The following MICALL2 variants were observed in gnomAD, a reference collection of about 807,000 sequenced individuals.
The protein encoded by MICALL2 is MICAL like 2, also known as MICAL-like protein 2.
A neutral mutation model predicts 91.1 loss-of-function variants in MICALL2; 111 were observed. The observed-to-expected ratio is 1.22, with a 90% CI of 1.04 to 1.43. MICALL2 has a LOEUF of 1.43. Ranked by LOEUF, MICALL2 falls within the 40% of genes most tolerant of loss-of-function variation. The pLI, the probability that MICALL2 is intolerant of heterozygous loss-of-function variation, is 0.00. For missense variants in MICALL2, 1,556 were observed against 1,236.0 expected, an observed-to-expected ratio of 1.26 and a Z score of -3.88; for synonymous variants, 694 against 525.3, an observed-to-expected ratio of 1.32 and a Z score of -4.39.
At chr7:1,443,224 G>T (rs1241461509) in intron 6 of MICALL2, among the ~76,000 whole-genome samples, 13 of 145,750 alleles carry the variant, frequency 8.9e-5, no homozygotes, top group African/African-American at 3.3e-4. Context: ...AGCACTCCCT[G>T]GAGCACCCCC....
At chr7:1,446,184 G>A (rs1257682742) in intron 5 of MICALL2, among the ~76,000 whole-genome samples, 1 of 73,230 alleles carries the variant, frequency 1.4e-5, no homozygotes, top group Non-Finnish European at 2.7e-5. Context: ...AGGGAGAGAA[G>A]AGTGAAGAGG....
At chr7:1,456,580 T>C (rs1046925203) in intron 1 of MICALL2, among the ~76,000 whole-genome samples, 41 of 148,484 alleles carry the variant, frequency 2.8e-4, no homozygotes, top group Non-Finnish European at 4.7e-4. Context: ...AGCTAGACTC[T>C]GTCTCAAATA....
At position 1,440,638 on chromosome 7, in the gene MICALL2, T is replaced by C. The variant is rs886958133; in HGVS notation, c.1758A>G (p.Gly586=). 5.0e-6 allele frequency: 8 copies of C among 1,612,460 alleles called. No homozygotes were observed. The highest frequency in any genetic ancestry group is 6.8e-6 in the Non-Finnish European group (8 of 1,179,922). Reference sequence around the variant, plus strand: ...CCACGGGCTTCAGATTCGCTCTCCATCCTGCCGGCCCGTCCTCCTGGCCTT... The same window carrying C: ...CCACGGGCTTCAGATTCGCTCTCCACCCTGCCGGCCCGTCCTCCTGGCCTT... ...LQEGQEDGPA[G]WRANLKPVDR... The change falls in exon 8 of 17, where the codon GGA becomes GGG. Residue 586 remains glycine (G), a synonymous_variant. Coordinates refer to ENST00000297508, the MANE Select transcript of MICALL2 (RefSeq NM_182924.4).
chr7:1,446,890 G>T (rs1780621997), intron 4 of MICALL2, 62 bp from the exon 5 acceptor site: 3 of 1,201,280 alleles, frequency 2.5e-6, no homozygotes, highest in Non-Finnish European at 2.3e-6. Context: ...CCTGGTGGCA[G>T]CCCACAGGTG....
At chr7:1,457,502 G>A (rs1225724754) in intron 1 of MICALL2, among the ~76,000 whole-genome samples, 1 of 152,206 alleles carries the variant, frequency 6.6e-6, no homozygotes, top group East Asian at 1.9e-4. Flanking sequence ...CCGGAACATT[G>A]CTCCCTGCAT....
Position 1,445,047 on chromosome 7 carries a change from G to A in MICALL2, c.1023C>T (p.Thr341=), listed in dbSNP as rs185321945. The A allele has an allele frequency of 5.1e-5, 79 of 1,542,416 alleles. No individual in the cohort carries two copies. Among genetic ancestry groups the A allele is most frequent in the Admixed American group, 3.8e-4 (19 of 50,432 alleles). Residue 341 remains threonine, a synonymous_variant, in exon 6 of 17, where the codon ACC becomes ACT. Coordinates refer to ENST00000297508, the MANE Select transcript of MICALL2 (RefSeq NM_182924.4). ...PTEGKVRPRV[T]NSSPMGWSSA... is the part of the protein sequence containing the mutation. Reference sequence around the variant, plus strand: ...ACGACCAGCCCATCGGGGAGCTATTGGTCACACGAGGGCGGACTTTCCCCT... The same window carrying A: ...ACGACCAGCCCATCGGGGAGCTATTAGTCACACGAGGGCGGACTTTCCCCT...
chr7:1,436,903 C>G (rs1218740943), intron 14 of MICALL2, 47 bp from the exon 15 acceptor site: 5 of 1,391,228 alleles, frequency 3.6e-6, no homozygotes, highest in Non-Finnish European at 4.8e-6. Flanking sequence ...CACTGCCATG[C>G]CCCTCACAGG....
In MICALL2 at chr7:1,437,492, C is replaced by T. The variant is rs1009895146; in HGVS notation, c.2476+43G>A. 3.4e-6 allele frequency: 5 copies of T among 1,488,596 alleles called. No homozygotes were observed. In the African/African-American group the frequency reaches 7.2e-5, roughly 22 times the overall value. 92.2% of individuals were successfully genotyped at this position (1,488,596 alleles called of 1,614,324 possible). A position where few individuals can be genotyped will look rare whatever the true frequency, so the allele number is the denominator to read the frequency against. ...CCCCCAGACATCCTGGGCTCCGCGG[C>T]ATCCCTGGCTGGGGCCCCTTGGCTG... is the stretch of plus-strand genomic sequence containing the variant. On this transcript the variant is annotated intron_variant, in intron 14 of 16. Transcript: ENST00000297508.
rs369303719 is a variant in MICALL2, at chr7:1,442,575, A to G, written c.1419-91T>C. ...CCGCCCCTCTGCCTCCCTGCAGCTC[A>G]CTCCCAATGCCCAGCCTCCGGACGG... On this transcript the variant is annotated intron_variant, in intron 6 of 16. Transcript: ENST00000297508. 605 of 1,260,442 alleles carry G rather than the reference A, an allele frequency of 4.8e-4. 1 individual carries two copies. Among genetic ancestry groups the G allele is most frequent in the African/African-American group, 2.8e-3 (178 of 63,718 alleles). The allele number at this position is 1,260,442 out of a possible 1,614,324, so 78.1% of individuals were successfully genotyped here.
At chr7:1,441,994 G>C (rs1780302925) in intron 7 of MICALL2, 198 bp downstream of exon 7, 2 of 663,174 alleles carry the variant, frequency 3.0e-6, no homozygotes, top group African/African-American at 1.8e-5. Flanking sequence ...ATAGCCCTGA[G>C]GACATTTGCA....
At position 1,447,613 on chromosome 7, in the gene MICALL2, T is replaced by C. The variant is rs531616914; in HGVS notation, c.487A>G (p.Arg163Gly). 9 of 1,596,252 alleles carry C rather than the reference T, an allele frequency of 5.6e-6. No homozygotes were observed. The South Asian group carries it at 9.1e-5, about 16-fold the overall frequency. ...SPAQTNPVVQ[R>G]RNEGAGGPPP... ...GGGCCCCCTGCACCCTCATTCCTCC[T>C]CTGGACCACAGGGTTTGTCTGGGCT... The change falls in exon 4 of 17, where the codon AGG becomes GGG. Residue 163 changes from arginine to glycine, a missense_variant. By Grantham distance (125) the Arg-to-Gly change is moderately radical (BLOSUM62 -2). Coordinates refer to ENST00000297508, the MANE Select transcript of MICALL2 (RefSeq NM_182924.4).
intron 9 of MICALL2, chr7:1,439,492 AC>A (rs1780162377): frequency 1.0e-5 from 2 of 195,366 alleles, no homozygotes; most frequent in African/African-American, 4.8e-5. Flanking sequence ...CACATGCATC[AC>A]GTGTGGGCAC....
intron 15 of MICALL2, among the ~76,000 whole-genome samples, chr7:1,436,087 C>CA (rs900627294): frequency 7.3e-5 from 11 of 149,878 alleles, no homozygotes; most frequent in Admixed American, 4.7e-4. Flanking sequence ...ACAAAACAAA[C>CA]AAAAAAAACT....
chr7:1,457,191 C>T (rs1319772539), intron 1 of MICALL2, among the ~76,000 whole-genome samples: 1 of 152,336 alleles, frequency 6.6e-6, no homozygotes, highest in Admixed American at 6.5e-5. Context: ...CCTACCATAT[C>T]TACTGAACCC....
intron 16 of MICALL2, 46 bp from the exon 17 acceptor site, chr7:1,434,718 C>T (rs961846998): frequency 2.0e-6 from 3 of 1,507,212 alleles, no homozygotes; most frequent in Admixed American, 4.6e-5. Flanking sequence ...GCCGCAGCCG[C>T]ACAGCCGTGG....
At position 1,446,696 on chromosome 7, in the gene MICALL2, G is replaced by A. The variant is rs370054406; in HGVS notation, c.641+17C>T. On this transcript the variant is annotated intron_variant, in intron 5 of 16. Coordinates refer to ENST00000297508, the MANE Select transcript of MICALL2 (RefSeq NM_182924.4). ...GGGAGGTGCACACTCAGGCGTGCGG[G>A]CAGAGGGCAGCCCCACCTGAAGCAG... 55 of 1,559,376 alleles carry A rather than the reference G, an allele frequency of 3.5e-5. No homozygotes were observed. The African/African-American group carries it at 6.5e-4, about 18-fold the overall frequency.
At chr7:1,436,551 CAAAA>C (rs59955608) in intron 15 of MICALL2, among the ~76,000 whole-genome samples, 187 bp downstream of exon 15, 11 of 74,466 alleles carry the variant, frequency 1.5e-4, no homozygotes, top group Middle Eastern at 8.2e-3. Context: ...GACTCTGTCT[CAAAA>C]AAAAAAAAAA....
At chr7:1,438,541 GC>G in intron 10 of MICALL2, 188 bp from the exon 11 acceptor site, 1 of 1,431,810 alleles carries the variant, frequency 7.0e-7, no homozygotes, top group Non-Finnish European at 9.1e-7. Context: ...TCCAGGCCCA[GC>G]CCCACCCTGC....
At chr7:1,441,790 G>A (rs532634663) in intron 7 of MICALL2, 26 of 245,602 alleles carry the variant, frequency 1.1e-4, no homozygotes, top group African/African-American at 3.7e-4. Context: ...GCAACAGCGC[G>A]ACGTTGTCAA....
Sources: allele counts gnomAD v4.1 joint callset (sites outside exome capture counted in the v4.1 genomes callset), GRCh38; gene constraint gnomAD v4.1.1; transcripts MANE v1.5; gene names NCBI Gene and HGNC (gene_info 2026-07-23, HGNC 2026-07-21).